The following NSMCE2 variants were observed in gnomAD, a reference collection of about 807,000 sequenced individuals.
The protein encoded by NSMCE2 is NSE2 SUMO ligase component of SMC5/6 complex.
Under a neutral mutation model 23.8 loss-of-function variants are expected in NSMCE2, and 24 were observed. The ratio of observed to expected loss-of-function variants is 1.01; its 90% CI spans 0.73 to 1.42. The LOEUF is 1.42. NSMCE2 is among the 40% of genes most tolerant of loss of function. The probability of loss-of-function intolerance (pLI) is 0.00; values close to 1 mark genes in which losing one functional copy is unlikely to be tolerated. For synonymous variants in NSMCE2, 92 were observed against 94.1 expected, an observed-to-expected ratio of 0.98 and a Z score of 0.13; for missense variants, 284 against 296.5, an observed-to-expected ratio of 0.96 and a Z score of 0.31.
chr8:125,346,155 C>T (rs1830429323), intron 5 of NSMCE2, among the ~76,000 whole-genome samples: 1 of 149,474 alleles, frequency 6.7e-6, no homozygotes, highest in South Asian at 2.1e-4. Flanking sequence ...GAAACTCCGT[C>T]TCAAAAAAAA....
At chr8:125,130,806 T>C (rs1214080394) in intron 3 of NSMCE2, among the ~76,000 whole-genome samples, 1 of 152,228 alleles carries the variant, frequency 6.6e-6, no homozygotes, top group Non-Finnish European at 1.5e-5. Flanking sequence ...TAAATTCTTT[T>C]CTTTTTCCCT....
At chr8:125,234,883 C>T (rs1825476781) in intron 5 of NSMCE2, among the ~76,000 whole-genome samples, 1 of 152,154 alleles carries the variant, frequency 6.6e-6, no homozygotes, top group Admixed American at 6.6e-5. Flanking sequence ...CACCCCATCC[C>T]CCGCCACCTC....
At chr8:125,336,999 G>T (rs752020647) in intron 5 of NSMCE2, among the ~76,000 whole-genome samples, 1 of 152,190 alleles carries the variant, frequency 6.6e-6, no homozygotes, top group Non-Finnish European at 1.5e-5. Flanking sequence ...TGATCCTCTT[G>T]CCTTTTTCAG....
intron 5 of NSMCE2, among the ~76,000 whole-genome samples, chr8:125,326,464 G>C (rs927763708): frequency 2.6e-5 from 4 of 151,920 alleles, no homozygotes; most frequent in African/African-American, 9.7e-5. Flanking sequence ...TATATAGTTT[G>C]TGTATATACA....
chr8:125,271,513 T>C (rs1827190048), intron 5 of NSMCE2, among the ~76,000 whole-genome samples: 1 of 152,192 alleles, frequency 6.6e-6, no homozygotes, highest in Non-Finnish European at 1.5e-5. Flanking sequence ...GATGTCAGCC[T>C]TTGGTTATCT....
intron 5 of NSMCE2, among the ~76,000 whole-genome samples, chr8:125,307,120 T>G (rs775780109): frequency 2.0e-5 from 3 of 152,202 alleles, no homozygotes; most frequent in Non-Finnish European, 2.9e-5. Flanking sequence ...ATTTGTTTCC[T>G]TTTCCTCTCT....
intron 3 of NSMCE2, among the ~76,000 whole-genome samples, chr8:125,108,067 G>C (rs1818554434): frequency 6.6e-6 from 1 of 152,034 alleles, no homozygotes; most frequent in South Asian, 2.1e-4. Flanking sequence ...GATGAAAATA[G>C]TTTCGACCCA....
chr8:125,151,150 T>G (rs1247870150), intron 3 of NSMCE2, 21 bp from the exon 4 acceptor site: 1 of 1,331,838 alleles, frequency 7.5e-7, no homozygotes, highest in Admixed American at 1.7e-5. Flanking sequence ...AAATAATAAT[T>G]GCAATTTTTT....
At chr8:125,105,259 G>A (rs1818402724) in intron 3 of NSMCE2, among the ~76,000 whole-genome samples, 1 of 152,072 alleles carries the variant, frequency 6.6e-6, no homozygotes, top group Non-Finnish European at 1.5e-5. Flanking sequence ...TTTAGTGGGT[G>A]GCCTCCAAAT....
chr8:125,194,365 G>T (rs1188371189), intron 5 of NSMCE2, among the ~76,000 whole-genome samples: 1 of 152,096 alleles, frequency 6.6e-6, no homozygotes, highest in Non-Finnish European at 1.5e-5. Context: ...CCTTTTGAGT[G>T]GCTTCTTTCA....
chr8:125,148,867 A>G (rs543466835), intron 3 of NSMCE2, among the ~76,000 whole-genome samples: 8 of 152,358 alleles, frequency 5.3e-5, no homozygotes, highest in Non-Finnish European at 1.0e-4. Context: ...AACTAAGTAC[A>G]GTAAAATGCC....
chr8:125,259,352 G>A (rs749296122), intron 5 of NSMCE2, among the ~76,000 whole-genome samples: 1 of 151,980 alleles, frequency 6.6e-6, no homozygotes, highest in Non-Finnish European at 1.5e-5. Context: ...GCCCACAAGC[G>A]AGCATTACCA....
intron 5 of NSMCE2, among the ~76,000 whole-genome samples, chr8:125,300,603 C>A (rs1395884942): frequency 1.3e-5 from 2 of 152,268 alleles, no homozygotes; most frequent in Non-Finnish European, 2.9e-5. Flanking sequence ...ATTCGCTATG[C>A]CATGGGGTAC....
At chr8:125,314,264 G>GTGTTTTGTTTT (rs71295836) in intron 5 of NSMCE2, among the ~76,000 whole-genome samples, 66,150 of 150,878 alleles carry the variant, frequency 0.44, 16,714 homozygotes, top group Admixed American at 0.54. Flanking sequence ...AAGGAGCCTT[G>GTGTTTTGTTTT]TGTTTTGTTT....
rs113281284 is a variant in NSMCE2, at chr8:125,125,702, T to G, written c.157+23215T>G. ...CTGTGAGCAGCTTGGTGTCAAGATC[T>G]GTGAAAGCTAACAGGTTAGTCTGCC... On this transcript the variant is annotated intron_variant, in intron 3 of 7. Transcript: ENST00000287437. Among the ~76,000 whole-genome samples, 320 of 152,332 alleles carry G rather than the reference T, an allele frequency of 2.1e-3. 2 individuals are homozygous for G. Among genetic ancestry groups the G allele is most frequent in the African/African-American group, 7.5e-3 (312 of 41,578 alleles).
chr8:125,094,956 G>A (rs770151725), intron 1 of NSMCE2, among the ~76,000 whole-genome samples: 47 of 152,258 alleles, frequency 3.1e-4, no homozygotes, highest in African/African-American at 1.1e-3. Flanking sequence ...CGGCTCAAGC[G>A]ATCCTACCAC....
rs577726783 is a variant in NSMCE2, at chr8:125,121,615, C to T, written c.157+19128C>T. On this transcript the variant is annotated intron_variant, in intron 3 of 7. Coordinates refer to ENST00000287437, the MANE Select transcript of NSMCE2 (RefSeq NM_173685.4). ...TCAAGAATCTGTGAATGTATTTTTA[C>T]ATTTTATGACCTAGCAGCCTGATTC... Among the ~76,000 whole-genome samples the T allele has an allele frequency of 1.6e-3, 246 of 152,320 alleles. 1 individual carries two copies. Among genetic ancestry groups the T allele is most frequent in the African/African-American group, 5.7e-3 (238 of 41,578 alleles).
intron 5 of NSMCE2, among the ~76,000 whole-genome samples, chr8:125,288,690 T>C (rs777713941): frequency 6.6e-6 from 1 of 152,250 alleles, no homozygotes; most frequent in Admixed American, 6.5e-5. Context: ...TTTAGTTCTA[T>C]GCATGTGTCT....
At chr8:125,257,027 T>C (rs1826462188) in intron 5 of NSMCE2, among the ~76,000 whole-genome samples, 1 of 146,042 alleles carries the variant, frequency 6.8e-6, no homozygotes, top group African/African-American at 2.5e-5. Flanking sequence ...TCCGGGCCTG[T>C]AATCGCAGCG....
Sources: gnomAD v4.1 joint callset for allele counts (sites outside exome capture counted in the v4.1 genomes callset) on GRCh38, gnomAD v4.1.1 for gene constraint, MANE v1.5 for transcripts, NCBI Gene and HGNC (gene_info 2026-07-23, HGNC 2026-07-21) for gene names.